Variants in ASPM observed in about 807,000 individuals in gnomAD.
ASPM encodes the protein assembly factor for spindle microtubules, also known as abnormal spindle-like microcephaly-associated protein.
Under a neutral mutation model 366.4 loss-of-function variants are expected in ASPM, and 256 were observed. The ratio of observed to expected loss-of-function variants is 0.70; its 90% CI spans 0.63 to 0.77. ASPM has a LOEUF of 0.77. ASPM is among the 30% of genes least tolerant of loss of function. The pLI, the probability that ASPM is intolerant of heterozygous loss-of-function variation, is 0.00. For synonymous variants in ASPM, 1,414 were observed against 1,342.9 expected (o/e 1.05, Z -1.16); for missense variants, 4,146 against 4,090.4 (o/e 1.01, Z -0.37).
Position 197,104,191 on chromosome 1 carries a change from G to A in ASPM, c.5060C>T (p.Ser1687Leu), listed in dbSNP as rs1657320319. The change falls in exon 18 of 28, where the codon TCA (serine) becomes TTA (leucine). Residue 1687 changes from serine to leucine, a missense_variant. Around this residue, in one of 3 missense-constraint regions of ASPM, gnomAD observed 3,624 missense variants for 3,591.7 expected, o/e 1.01. Transcript: ENST00000367409. ...SLKNATIKLQ[S>L]TVKMKQTRKQ... ...ACGTGTTTGTTTCATCTTAACAGTT[G>A]ACTGCAATTTTATTGTAGCATTTTT... The A allele has an allele frequency of 6.2e-7, 1 of 1,612,328 alleles. No homozygotes were observed. Among genetic ancestry groups the A allele is most frequent in the Non-Finnish European group, 8.5e-7 (1 of 1,179,242 alleles).
At chr1:197,105,288 A>C (rs1256811967) in intron 17 of ASPM, 103 bp from the exon 18 acceptor site, 1 of 902,000 alleles carries the variant, frequency 1.1e-6, no homozygotes, top group Non-Finnish European at 1.7e-6. Context: ...AAAAATAAAC[A>C]CATTGAATTA....
In ASPM at chr1:197,102,608, T is replaced by C; in HGVS notation, c.6643A>G (p.Ile2215Val). 1 of 1,612,572 alleles carries C rather than the reference T, an allele frequency of 6.2e-7. No homozygotes were observed. The highest frequency in any genetic ancestry group is 8.5e-7 in the Non-Finnish European group (1 of 1,179,248). Residue 2215 changes from isoleucine to valine, a missense_variant, in exon 18 of 28, where the codon ATA (isoleucine) becomes GTA (valine). Physicochemically the swap from Ile to Val is conservative, Grantham distance 29 (BLOSUM62 3). This residue lies in a region of ASPM where 3,624 missense variants were observed against 3,591.7 expected (regional missense o/e 1.01). Coordinates refer to ENST00000367409, the MANE Select transcript of ASPM (RefSeq NM_018136.5). Reference protein sequence around the residue: ...QQTYFNKLKKITKTVQQRYWA... With the variant: ...QQTYFNKLKKVTKTVQQRYWA... ...TATCTTTGCTGTACTGTTTTTGTTA[T>C]TTTCTTTAACTTATTAAAGTATGTT...
At chr1:197,086,541 A>G (rs1656593659) in intron 27 of ASPM, among the ~76,000 whole-genome samples, 1 of 152,216 alleles carries the variant, frequency 6.6e-6, no homozygotes, top group African/African-American at 2.4e-5. Context: ...CAAAACTTAT[A>G]ACAAGCTTCT....
At chr1:197,122,840 C>T (rs1451095863) in intron 13 of ASPM, among the ~76,000 whole-genome samples, 1 of 152,156 alleles carries the variant, frequency 6.6e-6, no homozygotes, top group East Asian at 1.9e-4. Flanking sequence ...ACCTCTGGAA[C>T]TGTGAGAGAA....
chr1:197,108,971 CAAAAAAA>C (rs564818123), intron 17 of ASPM, among the ~76,000 whole-genome samples: 5 of 69,744 alleles, frequency 7.2e-5, no homozygotes, highest in Non-Finnish European at 1.3e-4. Flanking sequence ...ACCCTGTCTC[CAAAAAAA>C]AAAAAAAAAA....
chr1:197,114,812 G>T (rs1181397324), intron 17 of ASPM, among the ~76,000 whole-genome samples: 1 of 152,128 alleles, frequency 6.6e-6, no homozygotes, highest in African/African-American at 2.4e-5. Flanking sequence ...GCAATGACGT[G>T]ATCTCGGCTC....
At chr1:197,087,160 T>C (rs964722127) in intron 26 of ASPM, among the ~76,000 whole-genome samples, 188 bp from the exon 27 acceptor site, 2 of 152,076 alleles carry the variant, frequency 1.3e-5, no homozygotes, top group African/African-American at 4.8e-5. Flanking sequence ...ATGCAATCTC[T>C]GCCTCCCGGG....
rs587783251 is a variant in ASPM at position 197,143,690 on chromosome 1, C to G, written c.562G>C (p.Val188Leu). The G allele has an allele frequency of 6.2e-7, 1 of 1,613,820 alleles. No homozygotes were observed. Among genetic ancestry groups the G allele is most frequent in the Non-Finnish European group, 8.5e-7 (1 of 1,179,882 alleles). The change falls in exon 3 of 28, where the codon GTT (valine) becomes CTT (leucine). Residue 188 changes from valine to leucine, a missense_variant. Val to Leu is a conservative substitution (Grantham distance 32). Around this residue, in one of 3 missense-constraint regions of ASPM, gnomAD observed 512 missense variants for 471.7 expected, o/e 1.09. Transcript: ENST00000367409. ...TFSVSQKVDRVRSPLQACENL... is the reference protein window; with the variant it reads ...TFSVSQKVDRLRSPLQACENL... The stretch of plus-strand genomic sequence containing the variant: ...TCACAAGCTTGTAGTGGGCTCCTAA[C>G]TCTGTCAACTTTTTGGGAAACACTA...
chr1:197,104,171 T>C lies in ASPM; in HGVS notation c.5080A>G (p.Thr1694Ala), dbSNP rs1657318694. 6.2e-7 allele frequency: 1 copy of C among 1,612,626 alleles called. No homozygotes were observed. The highest frequency in any genetic ancestry group is 1.1e-5 in the South Asian group (1 of 91,032). The change falls in exon 18 of 28, where the codon ACA becomes GCA. Residue 1694 changes from threonine (T) to alanine (A), a missense_variant. By Grantham distance (58) the Thr-to-Ala change is moderately conservative. Transcript: ENST00000367409. Reference sequence around the variant, plus strand: ...CTTAAATGCAAATATTGTTTACGTGTTTGTTTCATCTTAACAGTTGACTGC... The same window carrying C: ...CTTAAATGCAAATATTGTTTACGTGCTTGTTTCATCTTAACAGTTGACTGC... Reference protein sequence around the residue: ...KLQSTVKMKQTRKQYLHLRAA... With the variant: ...KLQSTVKMKQARKQYLHLRAA...
In ASPM at chr1:197,101,622, T is replaced by C. The variant is rs1427582796; in HGVS notation, c.7629A>G (p.Gly2543=). ...SAVVIQAAYK[G]MKARQLLREK... is the part of the protein sequence containing the mutation. ...CCCTTAAAAGTTGTCTTGCTTTCATTCCTTTATATGCAGCCTGAATAACCA... is the reference window on the plus strand; with the variant it reads ...CCCTTAAAAGTTGTCTTGCTTTCATCCCTTTATATGCAGCCTGAATAACCA... Residue 2543 remains glycine, a synonymous_variant, in exon 18 of 28, where the codon GGA becomes GGG. Coordinates refer to ENST00000367409, the MANE Select transcript of ASPM (RefSeq NM_018136.5). 1 of 1,611,566 alleles carries C rather than the reference T, an allele frequency of 6.2e-7. No individual in the cohort carries two copies. Among genetic ancestry groups the C allele is most frequent in the South Asian group, 1.1e-5 (1 of 91,034 alleles).
At position 197,133,521 on chromosome 1, in the gene ASPM, C is replaced by T; in HGVS notation, c.2248G>A (p.Glu750Lys). 1 of 1,614,042 alleles carries T rather than the reference C, an allele frequency of 6.2e-7. No individual in the cohort carries two copies. The highest frequency in any genetic ancestry group is 8.5e-7 in the Non-Finnish European group (1 of 1,179,952). The change falls in exon 6 of 28, where the codon GAA (glutamate) becomes AAA (lysine). Residue 750 changes from glutamate to lysine, a missense_variant. Physicochemically the swap from Glu to Lys is moderately conservative, Grantham distance 56. This residue lies in a region of ASPM where 3,624 missense variants were observed against 3,591.7 expected (regional missense o/e 1.01). Coordinates refer to ENST00000367409, the MANE Select transcript of ASPM (RefSeq NM_018136.5). ...ISVPRAPTKE[E>K]MSLRAYTARC... Reference sequence around the variant, plus strand: ...GCAGTATAAGCTCTGAGAGACATTTCCTCTTTTGTAGGTGCTCTAGGAACA... The same window carrying T: ...GCAGTATAAGCTCTGAGAGACATTTTCTCTTTTGTAGGTGCTCTAGGAACA...
At chr1:197,139,167 A>G (rs1464443219) in intron 4 of ASPM, 2 of 952,256 alleles carry the variant, frequency 2.1e-6, no homozygotes, top group African/African-American at 1.7e-5. Context: ...ACAAAGAAGC[A>G]TATCTTGGAG....
At chr1:197,141,255 T>G (rs1044628098) in intron 3 of ASPM, among the ~76,000 whole-genome samples, 1 of 152,198 alleles carries the variant, frequency 6.6e-6, no homozygotes, top group African/African-American at 2.4e-5. Flanking sequence ...TCGGTGTTTA[T>G]GAATAAAATT....
Position 197,103,083 on chromosome 1 carries a change from A to G in ASPM, c.6168T>C (p.Ala2056=). ...TTGCATATTTCTTTTTGGTTTTGTA[A>G]GCTCTGTATTTAGACTGTATAGTGA... ...AAVTIQSKYR[A]YKTKKKYATY... Residue 2056 remains alanine, a synonymous_variant, in exon 18 of 28, where the codon GCT becomes GCC. Transcript: ENST00000367409. 5.0e-6 allele frequency: 8 copies of G among 1,612,696 alleles called. No individual in the cohort carries two copies. Among genetic ancestry groups the G allele is most frequent in the Non-Finnish European group, 6.8e-6 (8 of 1,179,334 alleles).
In ASPM at chr1:197,143,162, T is replaced by C; in HGVS notation, c.1090A>G (p.Lys364Glu). The change falls in exon 3 of 28, where the codon AAA becomes GAA. Residue 364 changes from lysine to glutamate, a missense_variant. Coordinates refer to ENST00000367409, the MANE Select transcript of ASPM (RefSeq NM_018136.5). ...ESTIAHEIYQ[K>E]ILSPDSFIKD... The stretch of plus-strand genomic sequence containing the variant: ...ATGAAAGAATCTGGACTTAAAATTT[T>C]CTGATAAATTTCATGTGCAATTGTT... The C allele has an allele frequency of 6.2e-7, 1 of 1,613,506 alleles. No individual in the cohort carries two copies. Among genetic ancestry groups the C allele is most frequent in the African/African-American group, 1.3e-5 (1 of 75,040 alleles).
chr1:197,139,466 G>A (rs1658518047), intron 4 of ASPM, among the ~76,000 whole-genome samples: 1 of 152,208 alleles, frequency 6.6e-6, no homozygotes, highest in African/African-American at 2.4e-5. Context: ...GCATGGTCGT[G>A]GGTGCCCGCA....
rs1295890350 is a variant in ASPM at position 197,096,034 on chromosome 1, A to G, written c.8951T>C (p.Ile2984Thr). ...TAGTTTGGTATAGAAGCAACCTTGAATAATTTTAACAGCTTTTAATATAGC... is the reference window on the plus strand; with the variant it reads ...TAGTTTGGTATAGAAGCAACCTTGAGTAATTTTAACAGCTTTTAATATAGC... ...YLAILKAVKI[I>T]QGCFYTKLER... The change falls in exon 19 of 28, where the codon ATT (isoleucine) becomes ACT (threonine). Residue 2984 changes from isoleucine to threonine, a missense_variant. Transcript: ENST00000367409. 6.2e-7 allele frequency: 1 copy of G among 1,609,678 alleles called. No homozygotes were observed. The highest frequency in any genetic ancestry group is 1.3e-5 in the African/African-American group (1 of 74,848).
At chr1:197,111,335 C>G (rs1213804780) in intron 17 of ASPM, among the ~76,000 whole-genome samples, 1 of 151,984 alleles carries the variant, frequency 6.6e-6, no homozygotes, top group Non-Finnish European at 1.5e-5. Context: ...AAAAAATGCC[C>G]ATCACCACTA....
intron 17 of ASPM, among the ~76,000 whole-genome samples, chr1:197,114,737 C>G (rs1248301708): frequency 1.3e-5 from 2 of 152,036 alleles, no homozygotes; most frequent in East Asian, 3.9e-4. Context: ...CCACACTTGG[C>G]TAGTTATTTT....
Sources: allele counts gnomAD v4.1 joint callset (sites outside exome capture counted in the v4.1 genomes callset), GRCh38; gene constraint gnomAD v4.1.1; regional missense constraint gnomAD v4.1.1; transcripts MANE v1.5; gene names NCBI Gene and HGNC (gene_info 2026-07-23, HGNC 2026-07-21).